The following FOXP2 variants were observed in gnomAD, a reference collection of about 807,000 sequenced individuals.
The protein encoded by FOXP2 is forkhead box protein P2.
FOXP2 carries 12 observed loss-of-function variants against 115.8 expected under a neutral mutation model. The ratio of observed to expected loss-of-function variants is 0.10; its 90% CI spans 0.07 to 0.17. FOXP2 has a LOEUF of 0.17. Among genes scored for constraint, FOXP2 ranks in the 10% least tolerant of loss-of-function variants. The pLI is 1.00. For synonymous variants in FOXP2, 328 were observed against 297.7 expected (o/e 1.10, Z -1.05); for missense variants, 629 against 843.5 (o/e 0.75, Z 3.15).
At chr7:114,282,686 A>T (rs756687287) in intron 1 of FOXP2, among the ~76,000 whole-genome samples, 4 of 152,216 alleles carry the variant, frequency 2.6e-5, no homozygotes, top group African/African-American at 4.8e-5. Context: ...ACAGACAAAC[A>T]TCCATGTCCT....
chr7:114,456,461 A>G lies in FOXP2; in HGVS notation c.168+29782A>G, dbSNP rs560055869. Among the ~76,000 whole-genome samples the G allele has an allele frequency of 1.2e-4, 18 of 152,326 alleles. No individual in the cohort carries two copies. In the East Asian group the frequency reaches 3.5e-3, roughly 29 times the overall value. ...TTTGCAACAAAACTTTTTCAACTGT[A>G]GTTTTCTTAGTTTTCAAATGGTGGT... On this transcript the variant is annotated intron_variant, in intron 2 of 16. Transcript: ENST00000350908.
intron 16 of FOXP2, among the ~76,000 whole-genome samples, chr7:114,689,381 T>C (rs1808538630): frequency 6.6e-6 from 1 of 152,168 alleles, no homozygotes; most frequent in South Asian, 2.1e-4. Context: ...GAAATAACAG[T>C]TGTTATCTTA....
intron 2 of FOXP2, among the ~76,000 whole-genome samples, chr7:114,463,758 C>T (rs73434190): frequency 0.011 from 1,700 of 152,266 alleles, 16 homozygotes; most frequent in Middle Eastern, 0.031. Context: ...TCTGTTATGG[C>T]TCTCCCACTA....
chr7:114,311,379 T>C (rs1237926607), intron 2 of FOXP2, among the ~76,000 whole-genome samples: 2 of 152,158 alleles, frequency 1.3e-5, no homozygotes, highest in African/African-American at 2.4e-5. Flanking sequence ...TCTTGGCCTC[T>C]TGCTAGCTGT....
intron 2 of FOXP2, among the ~76,000 whole-genome samples, chr7:114,472,295 GC>G (rs1796085052): frequency 6.6e-6 from 1 of 150,800 alleles, no homozygotes; most frequent in Admixed American, 6.6e-5. Context: ...TTTTATATCA[GC>G]TAAATTTATT....
intron 1 of FOXP2, among the ~76,000 whole-genome samples, chr7:114,176,282 T>TTCTC (rs1793299629): frequency 2.4e-5 from 1 of 41,076 alleles, no homozygotes; most frequent in African/African-American, 6.7e-5. Context: ...CTTTCTTTCT[T>TTCTC]TCTTTCTTTC....
chr7:114,603,825 A>C (rs978894232), intron 3 of FOXP2, among the ~76,000 whole-genome samples: 2 of 152,226 alleles, frequency 1.3e-5, no homozygotes, highest in African/African-American at 4.8e-5. Flanking sequence ...ATAGCCTTAA[A>C]AAACGAAATT....
At chr7:114,208,501 A>G (rs547183996) in intron 1 of FOXP2, among the ~76,000 whole-genome samples, 1 of 152,144 alleles carries the variant, frequency 6.6e-6, no homozygotes, top group Admixed American at 6.5e-5. Flanking sequence ...AAATGAGTTA[A>G]GACTTTGGGG....
chr7:114,649,539 T>A (rs1250410736), intron 8 of FOXP2, among the ~76,000 whole-genome samples: 1 of 152,126 alleles, frequency 6.6e-6, no homozygotes, highest in Non-Finnish European at 1.5e-5. Context: ...CTGAGATAGT[T>A]ATAAAAACAT....
At chr7:114,253,078 C>T (rs878947985) in intron 1 of FOXP2, among the ~76,000 whole-genome samples, 2 of 152,146 alleles carry the variant, frequency 1.3e-5, no homozygotes, top group Non-Finnish European at 2.9e-5. Context: ...GCAGGTTGTT[C>T]AATTTCCATG....
intron 2 of FOXP2, among the ~76,000 whole-genome samples, chr7:114,530,526 T>C (rs1799093467): frequency 6.6e-6 from 1 of 151,718 alleles, no homozygotes; most frequent in African/African-American, 2.4e-5. Flanking sequence ...ATATATTTAC[T>C]TTGAAAAAAA....
rs137915633 is a variant in FOXP2, at chr7:114,089,943, G to A, written c.-247+2105G>A. Among the ~76,000 whole-genome samples, 751 of 152,056 alleles carry A rather than the reference G, an allele frequency of 4.9e-3. 10 individuals are homozygous for A. Among genetic ancestry groups the A allele is most frequent in the African/African-American group, 0.016 (679 of 41,552 alleles). On this transcript the variant is annotated intron_variant, in intron 1 of 19. Coordinates refer to the FOXP2 transcript ENST00000635638. The stretch of plus-strand genomic sequence containing the variant: ...AGCATGTAACAGTATAGTGAATGTA[G>A]CCAGAGAAATTATTTACCATTTTTA...
At chr7:114,346,174 A>G (rs936108406) in intron 2 of FOXP2, among the ~76,000 whole-genome samples, 3 of 151,822 alleles carry the variant, frequency 2.0e-5, no homozygotes, top group East Asian at 1.9e-4. Flanking sequence ...ATCAGGAGTA[A>G]TTTTAAATCA....
At chr7:114,432,651 T>C (rs1794166386) in intron 2 of FOXP2, among the ~76,000 whole-genome samples, 1 of 151,926 alleles carries the variant, frequency 6.6e-6, no homozygotes, top group African/African-American at 2.4e-5. Flanking sequence ...TCTATTTACA[T>C]TTATCAAGTT....
intron 1 of FOXP2, among the ~76,000 whole-genome samples, chr7:114,278,678 G>A: frequency 6.6e-6 from 1 of 152,194 alleles, no homozygotes; most frequent in Non-Finnish European, 1.5e-5. Context: ...AATGTATACA[G>A]TAGATGAATA....
At chr7:114,342,638 A>G (rs1313269034) in intron 2 of FOXP2, among the ~76,000 whole-genome samples, 1 of 151,424 alleles carries the variant, frequency 6.6e-6, no homozygotes, top group Non-Finnish European at 1.5e-5. Flanking sequence ...GTGAATCTCA[A>G]AAGTGTATTT....
At chr7:114,460,476 A>T (rs563397513) in intron 2 of FOXP2, among the ~76,000 whole-genome samples, 153 of 152,308 alleles carry the variant, frequency 1.0e-3, no homozygotes, top group Non-Finnish European at 1.7e-3. Context: ...ATATGTTATC[A>T]GTTGCTTTAG....
At chr7:114,482,521 T>C (rs1796602856) in intron 2 of FOXP2, among the ~76,000 whole-genome samples, 1 of 151,546 alleles carries the variant, frequency 6.6e-6, no homozygotes, top group Admixed American at 6.6e-5. Context: ...ACAAGGTATG[T>C]CTTTATCACG....
chr7:114,656,962 C>G (rs1806625000), intron 10 of FOXP2, among the ~76,000 whole-genome samples: 1 of 152,092 alleles, frequency 6.6e-6, no homozygotes, highest in Non-Finnish European at 1.5e-5. Flanking sequence ...TGAATATTCT[C>G]TATTTAGCCA....
Sources: allele counts gnomAD v4.1 joint callset (sites outside exome capture counted in the v4.1 genomes callset), GRCh38; gene constraint gnomAD v4.1.1; transcripts MANE v1.5; gene names NCBI Gene and HGNC (gene_info 2026-07-23, HGNC 2026-07-21).